The following SYT14 variants were observed in gnomAD, a reference collection of about 807,000 sequenced individuals.
The protein encoded by SYT14 is synaptotagmin-14.
A neutral mutation model predicts 74.2 loss-of-function variants in SYT14; 32 were observed. That is an observed-to-expected ratio of 0.43 (90% CI 0.33 to 0.58). The LOEUF is 0.58. Among genes scored for constraint, SYT14 ranks in the 20% least tolerant of loss-of-function variants. The pLI is 0.05. For synonymous variants in SYT14, 298 were observed against 337.7 expected, an observed-to-expected ratio of 0.88 and a Z score of 1.29; for missense variants, 791 against 981.8, an observed-to-expected ratio of 0.81 and a Z score of 2.60.
At chr1:210,146,837 G>GTATGTATGTACTACATATATACTA (rs1184238719) in intron 7 of SYT14, among the ~76,000 whole-genome samples, 3 of 150,826 alleles carry the variant, frequency 2.0e-5, no homozygotes, top group African/African-American at 7.3e-5. Flanking sequence ...CATACTATAT[G>GTATGTATGTACTACATATATACTA]TATGTATGTA....
intron 2 of SYT14, chr1:209,965,980 TCTG>T (rs1339923812): frequency 2.2e-6 from 1 of 453,934 alleles, no homozygotes; most frequent in East Asian, 7.0e-5. Context: ...AAACGATTCT[TCTG>T]CCTCAGCATC....
At chr1:210,082,968 T>C (rs767616212) in intron 5 of SYT14, among the ~76,000 whole-genome samples, 4 of 151,994 alleles carry the variant, frequency 2.6e-5, no homozygotes, top group Non-Finnish European at 4.4e-5. Flanking sequence ...GTTTGAGTAA[T>C]GGGTTATTTC....
chr1:210,162,504 C>T (rs1195285295), exon 10 of SYT14: 3 of 352,264 alleles, frequency 8.5e-6, no homozygotes, highest in African/African-American at 6.5e-5. Context: ...TATGCATATA[C>T]TTTATCAGAG....
intron 5 of SYT14, among the ~76,000 whole-genome samples, chr1:210,031,816 G>A (rs1361405866): frequency 6.6e-6 from 1 of 152,024 alleles, no homozygotes; most frequent in African/African-American, 2.4e-5. Flanking sequence ...CCTGAGTTTT[G>A]TGAAGAGCAA....
intron 2 of SYT14, among the ~76,000 whole-genome samples, chr1:209,988,496 C>T (rs1256104850): frequency 6.6e-6 from 1 of 151,940 alleles, no homozygotes; most frequent in African/African-American, 2.4e-5. Flanking sequence ...TATTGGATGC[C>T]AAACATTGTG....
At chr1:210,113,236 G>T (rs1272560050) in intron 7 of SYT14, among the ~76,000 whole-genome samples, 2 of 151,230 alleles carry the variant, frequency 1.3e-5, no homozygotes, top group East Asian at 3.9e-4. Context: ...GTTTTTTAAG[G>T]AATGGAAAGG....
At chr1:210,092,737 G>T (rs575740361) in intron 5 of SYT14, among the ~76,000 whole-genome samples, 1 of 152,112 alleles carries the variant, frequency 6.6e-6, no homozygotes, top group East Asian at 1.9e-4. Context: ...TAGTACAGCC[G>T]GCCCTCCATG....
intron 1 of SYT14, among the ~76,000 whole-genome samples, chr1:209,949,849 T>C (rs565875041): frequency 2.3e-4 from 35 of 152,294 alleles, no homozygotes; most frequent in Admixed American, 2.2e-3. Flanking sequence ...TTGACTTTTG[T>C]GGGTACTTGG....
At chr1:210,017,897 A>G (rs1248180702) in intron 4 of SYT14, among the ~76,000 whole-genome samples, 1 of 152,202 alleles carries the variant, frequency 6.6e-6, no homozygotes, top group African/African-American at 2.4e-5. Flanking sequence ...TAAAATACAC[A>G]TCTGGAATTT....
chr1:210,001,240 C>T (rs1053427658), intron 2 of SYT14, among the ~76,000 whole-genome samples: 1 of 145,934 alleles, frequency 6.9e-6, no homozygotes, highest in African/African-American at 2.5e-5. Flanking sequence ...TACCTTCCAG[C>T]TCAAATTTGC....
intron 7 of SYT14, among the ~76,000 whole-genome samples, chr1:210,139,707 A>G (rs896643545): frequency 2.6e-5 from 4 of 152,146 alleles, no homozygotes; most frequent in Non-Finnish European, 5.9e-5. Context: ...TCTTCTGCAC[A>G]TTTTATATGA....
chr1:209,966,269 G>T (rs948641560), intron 2 of SYT14, among the ~76,000 whole-genome samples: 1 of 152,096 alleles, frequency 6.6e-6, no homozygotes, highest in Non-Finnish European at 1.5e-5. Context: ...TTCTTGAAGT[G>T]CAAGTCTATA....
intron 7 of SYT14, among the ~76,000 whole-genome samples, chr1:210,152,821 C>G (rs2083191922): frequency 6.6e-6 from 1 of 151,992 alleles, no homozygotes; most frequent in Non-Finnish European, 1.5e-5. Flanking sequence ...ACATCGGGAA[C>G]ATAATGGTTT....
chr1:210,095,954 G>C (rs532000202), intron 6 of SYT14, among the ~76,000 whole-genome samples: 1 of 152,152 alleles, frequency 6.6e-6, no homozygotes, highest in South Asian at 2.1e-4. Context: ...TACATATATA[G>C]CTCACAAGTT....
chr1:209,938,909 T>G lies in SYT14; in HGVS notation c.-534+632T>G, dbSNP rs188447470. On this transcript the variant is annotated intron_variant, in intron 1 of 9. Transcript: ENST00000637265. ...TGTTCCCCGCCAACACTCAAAACTG[T>G]TTTTCTCCATGAAAAGAAGTAAATA... 1.8e-4 allele frequency among the ~76,000 whole-genome samples: 27 copies of G among 152,166 alleles called. No individual in the cohort carries two copies. In the East Asian group the frequency reaches 4.7e-3, roughly 26 times the overall value.
At chr1:210,103,047 T>A (rs751849771) in intron 7 of SYT14, among the ~76,000 whole-genome samples, 2 of 152,132 alleles carry the variant, frequency 1.3e-5, no homozygotes, top group Non-Finnish European at 2.9e-5. Context: ...AAGGAAAAGT[T>A]TTAATCCAGC....
chr1:210,031,068 G>T lies in SYT14; in HGVS notation c.1312+9814G>T, dbSNP rs181250266. On this transcript the variant is annotated intron_variant, in intron 5 of 9. Coordinates refer to ENST00000637265, the Ensembl canonical transcript of SYT14. ...GGTCTCCTGAGTAACTAGGACTACAGGCGTGCACCACCATGCCTGTCTTTT... is the reference window on the plus strand; with the variant it reads ...GGTCTCCTGAGTAACTAGGACTACATGCGTGCACCACCATGCCTGTCTTTT... Among the ~76,000 whole-genome samples, 348 of 151,374 alleles carry T rather than the reference G, an allele frequency of 2.3e-3. 2 individuals are homozygous for T. The highest frequency in any genetic ancestry group is 7.9e-3 in the African/African-American group (326 of 41,252).
At chr1:210,083,207 G>A (rs561361480) in intron 5 of SYT14, among the ~76,000 whole-genome samples, 3 of 152,070 alleles carry the variant, frequency 2.0e-5, no homozygotes, top group Non-Finnish European at 4.4e-5. Flanking sequence ...GGCCAGGCTG[G>A]TCTCAAACTC....
At chr1:210,059,088 G>A (rs943664156) in intron 5 of SYT14, among the ~76,000 whole-genome samples, 36 of 152,000 alleles carry the variant, frequency 2.4e-4, no homozygotes, top group African/African-American at 8.2e-4. Flanking sequence ...TAGAAACTTA[G>A]ATATAGAGAG....
Sources: allele counts gnomAD v4.1 joint callset (sites outside exome capture counted in the v4.1 genomes callset), GRCh38; gene constraint gnomAD v4.1.1; transcripts MANE v1.5; gene names NCBI Gene and HGNC (gene_info 2026-07-23, HGNC 2026-07-21).